MARS1: variants seen among roughly 807,000 people sequenced by gnomAD.
MARS1 encodes methionyl-tRNA synthetase 1, also known as methionine--tRNA ligase, cytoplasmic.
Under a neutral mutation model 119.5 loss-of-function variants are expected in MARS1, and 80 were observed. That is an observed-to-expected ratio of 0.67 (90% CI 0.56 to 0.81). The LOEUF is 0.81. MARS1 is among the 30% of genes least tolerant of loss of function. The pLI is 0.00. For synonymous variants in MARS1, 418 were observed against 433.4 expected (o/e 0.96, Z 0.44); for missense variants, 945 against 1,116.5 (o/e 0.85, Z 2.19).
At chr12:57,496,842 A>G (rs952539047) in intron 7 of MARS1, among the ~76,000 whole-genome samples, 1 of 151,888 alleles carries the variant, frequency 6.6e-6, no homozygotes, top group Non-Finnish European at 1.5e-5. Context: ...ATTTAAATGC[A>G]TAAGTGGAGG....
In MARS1 at chr12:57,498,228, T is replaced by G; in HGVS notation, c.842T>G (p.Leu281Arg). 2.5e-6 allele frequency: 4 copies of G among 1,614,186 alleles called. No homozygotes were observed. The highest frequency in any genetic ancestry group is 3.4e-6 in the Non-Finnish European group (4 of 1,180,036). Residue 281 changes from leucine to arginine, a missense_variant, in exon 8 of 21, where the codon CTT (leucine) becomes CGT (arginine). Leu to Arg is a moderately radical substitution (Grantham distance 102). Coordinates refer to ENST00000262027, the MANE Select transcript of MARS1 (RefSeq NM_004990.4). ...ALPYVNNVPH[L>R]GNIIGCVLSA... Reference sequence around the variant, plus strand: ...CCTTACGTCAACAATGTCCCCCACCTTGGGAACATCATTGGTTGTGTGCTC... The same window carrying G: ...CCTTACGTCAACAATGTCCCCCACCGTGGGAACATCATTGGTTGTGTGCTC...
intron 14 of MARS1, 82 bp from the exon 15 acceptor site, chr12:57,512,669 G>A: frequency 3.5e-6 from 4 of 1,131,734 alleles, no homozygotes; most frequent in Non-Finnish European, 5.3e-6. Flanking sequence ...GTTAGAAAGA[G>A]GAAAGAAGGA....
At chr12:57,508,554 G>C (rs1226117095) in intron 11 of MARS1, among the ~76,000 whole-genome samples, 1 of 152,250 alleles carries the variant, frequency 6.6e-6, no homozygotes. Context: ...GCAGGCACTC[G>C]GCAGGCTGAG....
At chr12:57,513,021 C>T (rs936514036) in intron 15 of MARS1, 57 bp downstream of exon 15, 11 of 1,425,354 alleles carry the variant, frequency 7.7e-6, no homozygotes, top group Non-Finnish European at 1.1e-5. Flanking sequence ...CTCATTTTCC[C>T]TCAGGAGATG....
chr12:57,512,506 A>G (rs1397325768), intron 14 of MARS1, 153 bp downstream of exon 14: 1 of 683,312 alleles, frequency 1.5e-6, no homozygotes, highest in Non-Finnish European at 2.5e-6. Flanking sequence ...AGAGAAACGA[A>G]CAAGAACCTG....
chr12:57,492,037 T>C (rs1875991212), intron 7 of MARS1, among the ~76,000 whole-genome samples: 2 of 151,840 alleles, frequency 1.3e-5, no homozygotes, highest in South Asian at 4.2e-4. Flanking sequence ...CCTAGCACTT[T>C]GGGAGGCTGA....
At chr12:57,492,467 C>A (rs907991443) in intron 7 of MARS1, among the ~76,000 whole-genome samples, 2 of 151,836 alleles carry the variant, frequency 1.3e-5, no homozygotes, top group Non-Finnish European at 2.9e-5. Context: ...ATCAGCAGTT[C>A]GAGACCAGCC....
Position 57,489,438 on chromosome 12 carries a change from T to C in MARS1, c.294T>C (p.Ala98=), listed in dbSNP as rs991687454. 1 of 1,614,226 alleles carries C rather than the reference T, an allele frequency of 6.2e-7. No individual in the cohort carries two copies. Among genetic ancestry groups the C allele is most frequent in the Non-Finnish European group, 8.5e-7 (1 of 1,180,032 alleles). ...CTGCATTTTAGCCAGCTTTGTCTGC[T>C]GCCCTGTACTATTTAGTGGTCCAAG... ...EATELQPALS[A]ALYYLVVQGK... The change falls in exon 4 of 21, where the codon GCT becomes GCC. Residue 98 remains alanine (A), a synonymous_variant. Transcript: ENST00000262027.
intron 7 of MARS1, among the ~76,000 whole-genome samples, chr12:57,492,423 C>T (rs1032589882): frequency 6.6e-6 from 1 of 152,030 alleles, no homozygotes; most frequent in South Asian, 2.1e-4. Context: ...GTAATCCTAG[C>T]ACTTTGGGAG....
Position 57,490,644 on chromosome 12 carries a change from T to C in MARS1, c.770T>C (p.Val257Ala), listed in dbSNP as rs200308742. Residue 257 changes from valine to alanine, a missense_variant and splice_region_variant, in exon 7 of 21, where the codon GTG becomes GCG. Transcript: ENST00000262027. ...CCGCTGCGGCCCCAGCAGAATCCAGTGTGAGTAGACATGGCACATGTGAGT... is the reference window on the plus strand; with the variant it reads ...CCGCTGCGGCCCCAGCAGAATCCAGCGTGAGTAGACATGGCACATGTGAGT... ...LPPLRPQQNP[V>A]LPVAGERNVL... is the part of the protein sequence containing the mutation. 1.4e-5 allele frequency: 22 copies of C among 1,613,852 alleles called. No individual in the cohort carries two copies. The highest frequency in any genetic ancestry group is 1.9e-5 in the Non-Finnish European group (22 of 1,179,846).
chr12:57,504,438 G>A, intron 11 of MARS1, 139 bp downstream of exon 11: 1 of 701,514 alleles, frequency 1.4e-6, no homozygotes, highest in Admixed American at 2.5e-5. Flanking sequence ...GTCAAGAGAT[G>A]AAATAGATTA....
chr12:57,491,368 AC>A (rs1310135903), intron 7 of MARS1, among the ~76,000 whole-genome samples: 1 of 151,994 alleles, frequency 6.6e-6, no homozygotes, highest in Non-Finnish European at 1.5e-5. Context: ...TTATTTATTC[AC>A]CTGCCTTTGT....
At chr12:57,493,156 A>G (rs1340584331) in intron 7 of MARS1, among the ~76,000 whole-genome samples, 4 of 149,854 alleles carry the variant, frequency 2.7e-5, no homozygotes, top group Admixed American at 1.4e-4. Flanking sequence ...TTCTTCACTA[A>G]TTTGTAAGCT....
Position 57,493,438 on chromosome 12 carries a change from TTACATAATATATAATATATTATAA to T in MARS1, c.770+2797_770+2820del, listed in dbSNP as rs1355135359. Among the ~76,000 whole-genome samples, 10 of 1,788 alleles carry T rather than the reference TTACATAATATATAATATATTATAA, an allele frequency of 5.6e-3. 1 individual carries two copies. The highest frequency in any genetic ancestry group is 0.5 in the East Asian group (2 of 4). 1.2% of individuals were successfully genotyped at this position (1,788 alleles called of 152,430 possible). A position where few individuals can be genotyped will look rare whatever the true frequency, so the allele number is the denominator to read the frequency against. On this transcript the variant is annotated intron_variant, in intron 7 of 20. Coordinates refer to ENST00000262027, the MANE Select transcript of MARS1 (RefSeq NM_004990.4). ...TATATTATATGATATGTATAATATA[TTACATAATATATAATATATTATAA>T]TATATAATATATAATATATAATATA...
chr12:57,493,854 ATATTTATATTATATAAT>A (rs1876393460), intron 7 of MARS1, among the ~76,000 whole-genome samples: 2 of 5,014 alleles, frequency 4.0e-4, no homozygotes, highest in Non-Finnish European at 8.1e-3. Context: ...TATAATATAT[ATATTTATATTATATAAT>A]ATATATAATA....
chr12:57,488,699 T>A, intron 1 of MARS1: 1 of 1,505,336 alleles, frequency 6.6e-7, no homozygotes. Flanking sequence ...GTTCTCCCAC[T>A]GTGACCTTCA....
At chr12:57,511,526 G>A in intron 11 of MARS1, 172 bp from the exon 12 acceptor site, 1 of 642,468 alleles carries the variant, frequency 1.6e-6, no homozygotes, top group Non-Finnish European at 2.7e-6. Context: ...GCAGTGAGCT[G>A]TGATTATGAT....
At chr12:57,516,041 C>A in intron 19 of MARS1, 50 bp downstream of exon 19, 1 of 1,577,058 alleles carries the variant, frequency 6.3e-7, no homozygotes, top group Non-Finnish European at 8.7e-7. Flanking sequence ...CACAGCATCA[C>A]TTCCCTAATT....
chr12:57,489,091 C>A lies in MARS1; in HGVS notation c.182C>A (p.Ser61Tyr). ...LQLDSGNYLF[S>Y]TSAICRYFFL... is the part of the protein sequence containing the mutation. ...CTGGATAGCGGCAACTACCTCTTCTCCACTAGTGCAATCTGCCGGTCAGTA... is the reference window on the plus strand; with the variant it reads ...CTGGATAGCGGCAACTACCTCTTCTACACTAGTGCAATCTGCCGGTCAGTA... The change falls in exon 2 of 21, where the codon TCC becomes TAC. Residue 61 changes from serine (S) to tyrosine (Y), a missense_variant. Coordinates refer to ENST00000262027, the MANE Select transcript of MARS1 (RefSeq NM_004990.4). 6.2e-7 allele frequency: 1 copy of A among 1,614,078 alleles called. No individual in the cohort carries two copies. Among genetic ancestry groups the A allele is most frequent in the Non-Finnish European group, 8.5e-7 (1 of 1,180,004 alleles).
Sources: allele counts gnomAD v4.1 joint callset (sites outside exome capture counted in the v4.1 genomes callset), GRCh38; gene constraint gnomAD v4.1.1; transcripts MANE v1.5; gene names NCBI Gene and HGNC (gene_info 2026-07-23, HGNC 2026-07-21).